The following URB1 variants were observed in gnomAD, a reference collection of about 807,000 sequenced individuals.
URB1 encodes URB1 ribosome biogenesis factor.
Under a neutral mutation model 242.3 loss-of-function variants are expected in URB1, and 197 were observed. That is an observed-to-expected ratio of 0.81 (90% CI 0.72 to 0.91). The LOEUF is 0.91. URB1 is among the 40% of genes least tolerant of loss of function. URB1 has a pLI of 0.00. For synonymous variants in URB1, 1,153 were observed against 1,201.8 expected, an observed-to-expected ratio of 0.96 and a Z score of 0.84; for missense variants, 2,721 against 2,860.5, an observed-to-expected ratio of 0.95 and a Z score of 1.11.
chr21:32,357,986 G>A (rs376945370), intron 14 of URB1, among the ~76,000 whole-genome samples: 1 of 152,132 alleles, frequency 6.6e-6, no homozygotes, highest in East Asian at 1.9e-4. Context: ...TCCAGATGAC[G>A]CCACTGCACT....
chr21:32,369,527 A>G (rs2033384072), intron 8 of URB1, among the ~76,000 whole-genome samples: 1 of 152,142 alleles, frequency 6.6e-6, no homozygotes, highest in African/African-American at 2.4e-5. Flanking sequence ...TGGCGTGACC[A>G]TAGCTCACTG....
intron 38 of URB1, 89 bp downstream of exon 38, chr21:32,316,377 C>T (rs2032685324): frequency 1.4e-6 from 2 of 1,439,794 alleles, no homozygotes; most frequent in African/African-American, 2.9e-5. Flanking sequence ...CAGCAGAAAC[C>T]TGAGTGTTCT....
At chr21:32,318,644 A>C (rs2032723308) in intron 36 of URB1, among the ~76,000 whole-genome samples, 1 of 152,230 alleles carries the variant, frequency 6.6e-6, no homozygotes, top group African/African-American at 2.4e-5. Flanking sequence ...CTCCCAAATC[A>C]GAAATAATGA....
Position 32,311,666 on chromosome 21 carries a change from A to T in URB1, c.*3252T>A, listed in dbSNP as rs767850686. On this transcript the variant is annotated 3_prime_UTR_variant, in exon 39 of 39. Transcript: ENST00000382751. ...GCAGCAACTATGATGCCTGCCTCCC[A>T]CTCTGCTCTGTTCACAGGAACAGCC... is the stretch of plus-strand genomic sequence containing the variant. The T allele has an allele frequency of 1.2e-6, 2 of 1,612,848 alleles. No homozygotes were observed. The highest frequency in any genetic ancestry group is 1.7e-6 in the Non-Finnish European group (2 of 1,179,558).
chr21:32,385,512 T>A, intron 2 of URB1, 33 bp downstream of exon 2: 1 of 1,537,340 alleles, frequency 6.5e-7, no homozygotes, highest in Non-Finnish European at 8.8e-7. Flanking sequence ...TAACTTTTCT[T>A]CTCTTCATCA....
chr21:32,334,202 G>T lies in URB1; in HGVS notation c.4818C>A (p.Ile1606=), dbSNP rs1369616999. 26 of 1,551,160 alleles carry T rather than the reference G, an allele frequency of 1.7e-5. No individual in the cohort carries two copies. The highest frequency in any genetic ancestry group is 2.2e-5 in the Non-Finnish European group (25 of 1,146,756). The stretch of plus-strand genomic sequence containing the variant: ...GCCTCCGGTTCTGGGGGAAGTGCAG[G>T]ATGGTCTGCATCATCCGGTCCCGGT... ...LLDRDRMMQT[I]LHFPQNRRLL... Residue 1606 remains isoleucine, a synonymous_variant, in exon 29 of 39, where the codon ATC becomes ATA. Transcript: ENST00000382751.
intron 11 of URB1, among the ~76,000 whole-genome samples, chr21:32,362,496 CCG>C (rs1335340233): frequency 6.6e-6 from 1 of 152,174 alleles, no homozygotes; most frequent in East Asian, 1.9e-4. Context: ...GTGTGAGCCA[CCG>C]CGCCCAACCA....
intron 23 of URB1, among the ~76,000 whole-genome samples, chr21:32,345,021 CCTCAGTG>C (rs911232277): frequency 6.6e-6 from 1 of 152,174 alleles, no homozygotes; most frequent in African/African-American, 2.4e-5. Context: ...GGTTTCTCAA[CCTCAGTG>C]CTACTGACAT....
intron 9 of URB1, 102 bp from the exon 10 acceptor site, chr21:32,366,857 A>G (rs2033352748): frequency 7.6e-7 from 1 of 1,313,888 alleles, no homozygotes; most frequent in South Asian, 1.5e-5. Flanking sequence ...TCAAATAATT[A>G]TAGCGGTAAA....
chr21:32,316,347 C>A (rs952300164), intron 38 of URB1, 119 bp downstream of exon 38: 6 of 1,411,832 alleles, frequency 4.2e-6, no homozygotes, highest in Admixed American at 6.1e-5. Flanking sequence ...TAAACAAGCA[C>A]AATACCCAGC....
In URB1 at chr21:32,313,434, T is replaced by A. The variant is rs1252134135; in HGVS notation, c.*1484A>T. 3 of 152,154 alleles carry A rather than the reference T, an allele frequency of 2.0e-5. No homozygotes were observed. Among genetic ancestry groups the A allele is most frequent in the African/African-American group, 7.2e-5 (3 of 41,398 alleles). 9.4% of individuals were successfully genotyped at this position (152,154 alleles called of 1,614,324 possible). On this transcript the variant is annotated 3_prime_UTR_variant, in exon 39 of 39. Coordinates refer to ENST00000382751, the MANE Select transcript of URB1 (RefSeq NM_014825.3). ...CCTGAGTCCAGCTTGGATCTAAACG[T>A]GGGATTTCAAGTTCAGGATAGTCTC...
chr21:32,378,669 A>C (rs1162984256), intron 4 of URB1, 128 bp from the exon 5 acceptor site: 4 of 746,706 alleles, frequency 5.4e-6, no homozygotes, highest in Non-Finnish European at 9.1e-6. Context: ...GTCCCCAGTC[A>C]CCAGGGGATG....
rs374005303 is a variant in URB1, at chr21:32,373,722, C to G, written c.801G>C (p.Thr267=). The change falls in exon 7 of 39, where the codon ACG becomes ACC. Residue 267 remains threonine (T), a synonymous_variant. Transcript: ENST00000382751. ...ATGCTATGTGGTTCAATAACTGCCC[C>G]GTAAAGAAACGCACCTTCTGGGTTT... ...ITKTQKVRFF[T]GQLLNHIASL... 1.3e-6 allele frequency: 2 copies of G among 1,548,170 alleles called. No individual in the cohort carries two copies. Among genetic ancestry groups the G allele is most frequent in the African/African-American group, 1.4e-5 (1 of 72,744 alleles).
intron 25 of URB1, among the ~76,000 whole-genome samples, chr21:32,340,295 G>A (rs901517114): frequency 2.0e-5 from 3 of 152,180 alleles, no homozygotes; most frequent in Non-Finnish European, 4.4e-5. Context: ...GAAAATGAAC[G>A]CTGACACACA....
Position 32,392,843 on chromosome 21 carries a change from T to C in URB1, c.68A>G (p.Lys23Arg). 6.5e-7 allele frequency: 1 copy of C among 1,533,024 alleles called. No homozygotes were observed. The highest frequency in any genetic ancestry group is 8.7e-7 in the Non-Finnish European group (1 of 1,145,020). 95.0% of individuals were successfully genotyped at this position (1,533,024 alleles called of 1,614,324 possible). Residue 23 changes from lysine (K) to arginine (R), a missense_variant, in exon 1 of 39, where the codon AAG (lysine) becomes AGG (arginine). Lys to Arg is a conservative substitution (Grantham distance 26, BLOSUM62 2). Transcript: ENST00000382751. ...CGTGAGCTCTTCTTTGCGGGCGCGC[T>C]TGGCTGCACCCGCGGAGGAAGCCGC... ...DGAASSAGAAKRARKEELTGV... is the reference protein window; with the variant it reads ...DGAASSAGAARRARKEELTGV...
chr21:32,352,767 G>C lies in URB1; in HGVS notation c.2556C>G (p.Leu852=), dbSNP rs1284689729. ...PPCLVPCCQQ[L]SRFNRYYSLW... Reference sequence around the variant, plus strand: ...GGCTGTAGTATCTGTTAAACCGTGAGAGCTGCTGGCAGCAAGGCACCAGGC... The same window carrying C: ...GGCTGTAGTATCTGTTAAACCGTGACAGCTGCTGGCAGCAAGGCACCAGGC... Residue 852 remains leucine (L), a synonymous_variant, in exon 19 of 39, where the codon CTC becomes CTG. Coordinates refer to ENST00000382751, the MANE Select transcript of URB1 (RefSeq NM_014825.3). 5 of 1,551,582 alleles carry C rather than the reference G, an allele frequency of 3.2e-6. No homozygotes were observed. The highest frequency in any genetic ancestry group is 4.4e-6 in the Non-Finnish European group (5 of 1,147,014).
chr21:32,353,008 A>C lies in URB1; in HGVS notation c.2417-102T>G. ...CCACATACAGGCAAGACCCTGAAAAATTCATGCAACTCCATGAGGGGACAC... is the reference window on the plus strand; with the variant it reads ...CCACATACAGGCAAGACCCTGAAAACTTCATGCAACTCCATGAGGGGACAC... On this transcript the variant is annotated intron_variant, in intron 18 of 38. Transcript: ENST00000382751. 3 of 1,252,412 alleles carry C rather than the reference A, an allele frequency of 2.4e-6. No individual in the cohort carries two copies. The South Asian group carries it at 4.7e-5, about 20-fold the overall frequency. The allele number at this position is 1,252,412 out of a possible 1,614,324, so 77.6% of individuals were successfully genotyped here.
intron 25 of URB1, among the ~76,000 whole-genome samples, chr21:32,339,494 CTTTT>C: frequency 7.2e-6 from 1 of 139,128 alleles, no homozygotes; most frequent in Non-Finnish European, 1.6e-5. Flanking sequence ...TTTTTTTTTT[CTTTT>C]TTTTTTTTTT....
intron 30 of URB1, among the ~76,000 whole-genome samples, chr21:32,327,031 G>T (rs184678629): frequency 1.3e-5 from 2 of 151,800 alleles, no homozygotes; most frequent in Non-Finnish European, 2.9e-5. Flanking sequence ...AAAAAAATCC[G>T]AAGAAATAAT....
Sources: gnomAD v4.1 joint callset for allele counts (sites outside exome capture counted in the v4.1 genomes callset) on GRCh38, gnomAD v4.1.1 for gene constraint, MANE v1.5 for transcripts, NCBI Gene and HGNC (gene_info 2026-07-23, HGNC 2026-07-21) for gene names.